Variants in ITGAD observed in about 807,000 individuals in gnomAD.
ITGAD encodes integrin alpha-D.
Under a neutral mutation model 139.0 loss-of-function variants are expected in ITGAD, and 105 were observed. The observed-to-expected ratio is 0.76, with a 90% confidence interval of 0.65 to 0.89. ITGAD has a LOEUF of 0.89. ITGAD is among the 40% of genes least tolerant of loss of function. The pLI is 0.00. For missense variants in ITGAD, 1,384 were observed against 1,487.3 expected, an observed-to-expected ratio of 0.93 and a Z score of 1.14; for synonymous variants, 569 against 598.3, an observed-to-expected ratio of 0.95 and a Z score of 0.71.
intron 23 of ITGAD, 119 bp downstream of exon 23, chr16:31,418,683 C>T (rs1296507092): frequency 3.8e-6 from 3 of 796,938 alleles, no homozygotes; most frequent in African/African-American, 1.7e-5. Flanking sequence ...TTTGGGATGC[C>T]TTTGTGGGTG....
At chr16:31,406,427 T>C (rs1424360813) in intron 7 of ITGAD, among the ~76,000 whole-genome samples, 1 of 152,202 alleles carries the variant, frequency 6.6e-6, no homozygotes, top group Non-Finnish European at 1.5e-5. Flanking sequence ...GTAGTCACCG[T>C]AGGCCATTCA....
In ITGAD at chr16:31,411,403, T is replaced by C. The variant is rs1483992836; in HGVS notation, c.1593T>C (p.Asn531=). Residue 531 remains asparagine, a synonymous_variant, in exon 14 of 30, where the codon AAT becomes AAC. Transcript: ENST00000389202. The part of the protein sequence containing the change: ...GAALTVLGDV[N]EDKLIDVAIG... ...CCCTGACAGTGTTGGGGGATGTGAA[T>C]GAGGACAAGCTGATAGACGTGGCCA... The C allele has an allele frequency of 1.2e-6, 2 of 1,613,862 alleles. No homozygotes were observed. The highest frequency in any genetic ancestry group is 1.3e-5 in the African/African-American group (1 of 74,948).
At chr16:31,394,378 A>C in intron 2 of ITGAD, 37 bp downstream of exon 2, 1 of 1,482,496 alleles carries the variant, frequency 6.7e-7, no homozygotes, top group Non-Finnish European at 9.4e-7. Flanking sequence ...AACCTCCACT[A>C]CATCAAGTCC....
At chr16:31,395,474 G>A (rs1206922878) in intron 2 of ITGAD, among the ~76,000 whole-genome samples, 3 of 152,104 alleles carry the variant, frequency 2.0e-5, no homozygotes, top group Non-Finnish European at 4.4e-5. Context: ...GCTACCTTCC[G>A]CCCCTGGCAT....
rs1384081949 is a variant in ITGAD at position 31,411,362 on chromosome 16, G to A, written c.1552G>A (p.Gly518Ser). Residue 518 changes from glycine to serine, a missense_variant, in exon 14 of 30, where the codon GGC becomes AGC. Coordinates refer to ENST00000389202, the MANE Select transcript of ITGAD (RefSeq NM_005353.3). ...VLRGEQGHPW[G>S]RFGAALTVLG... Reference sequence around the variant, plus strand: ...CCGTGGTGAGCAGGGCCACCCCTGGGGCCGCTTTGGGGCAGCCCTGACAGT... The same window carrying A: ...CCGTGGTGAGCAGGGCCACCCCTGGAGCCGCTTTGGGGCAGCCCTGACAGT... 1 of 1,613,958 alleles carries A rather than the reference G, an allele frequency of 6.2e-7. No individual in the cohort carries two copies. The highest frequency in any genetic ancestry group is 1.1e-5 in the South Asian group (1 of 91,086).
intron 20 of ITGAD, 141 bp downstream of exon 20, chr16:31,416,787 A>G (rs2081899901): frequency 1.3e-6 from 1 of 765,776 alleles, no homozygotes; most frequent in Non-Finnish European, 2.0e-6. Flanking sequence ...ATACACACAG[A>G]GAAAGTGCAT....
Position 31,423,635 on chromosome 16 carries a change from G to T in ITGAD, c.3032G>T (p.Arg1011Ile). 6.2e-7 allele frequency: 1 copy of T among 1,614,006 alleles called. No homozygotes were observed. The highest frequency in any genetic ancestry group is 8.5e-7 in the Non-Finnish European group (1 of 1,179,986). ...QHSDFLTQIS[R>I]SPMLDCSIAD... ...TCTGACTTCCTGACCCAGATTTCAAGAAGTCCCATGCTGGTGAGAAAGTCC... is the reference window on the plus strand; with the variant it reads ...TCTGACTTCCTGACCCAGATTTCAATAAGTCCCATGCTGGTGAGAAAGTCC... Residue 1011 changes from arginine to isoleucine, a missense_variant, in exon 26 of 30, where the codon AGA becomes ATA. Physicochemically the swap from Arg to Ile is moderately conservative, Grantham distance 97. Transcript: ENST00000389202.
At chr16:31,396,391 T>C (rs1440985497) in intron 2 of ITGAD, among the ~76,000 whole-genome samples, 1 of 152,212 alleles carries the variant, frequency 6.6e-6, no homozygotes, top group Non-Finnish European at 1.5e-5. Flanking sequence ...GAGATTTGCT[T>C]GAACCTGGGA....
chr16:31,415,707 G>A (rs1043469197), intron 18 of ITGAD, among the ~76,000 whole-genome samples: 3 of 152,108 alleles, frequency 2.0e-5, no homozygotes, highest in Admixed American at 6.6e-5. Context: ...TTCCCCCGAA[G>A]CTCCAGCCTT....
chr16:31,402,302 G>A (rs1302914576), intron 6 of ITGAD, 57 bp downstream of exon 6: 3 of 1,214,122 alleles, frequency 2.5e-6, no homozygotes, highest in Middle Eastern at 2.9e-4. Flanking sequence ...TGGCCTCGGG[G>A]AGGCATCCCG....
intron 23 of ITGAD, among the ~76,000 whole-genome samples, chr16:31,419,067 C>A (rs1347820518): frequency 6.6e-6 from 1 of 150,610 alleles, no homozygotes; most frequent in Non-Finnish European, 1.5e-5. Flanking sequence ...GTGGCGCATG[C>A]CTGTAATCCC....
intron 23 of ITGAD, among the ~76,000 whole-genome samples, chr16:31,419,812 C>CAAAAAAAAAAAAAAAAAAAA (rs1202333629): frequency 6.9e-5 from 4 of 58,234 alleles, no homozygotes; most frequent in South Asian, 6.4e-4. Flanking sequence ...GGCTCTGTCT[C>CAAAAAAAAAAAAAAAAAAAA]AAAAAAAAAA....
At chr16:31,425,470 T>C (rs556939710) in intron 29 of ITGAD, among the ~76,000 whole-genome samples, 18 of 152,334 alleles carry the variant, frequency 1.2e-4, no homozygotes, top group Middle Eastern at 6.8e-3. Context: ...CCTGGATCTA[T>C]GCTGTCCTGC....
intron 14 of ITGAD, among the ~76,000 whole-genome samples, chr16:31,411,989 C>T (rs1173793411): frequency 6.6e-6 from 1 of 152,156 alleles, no homozygotes; most frequent in African/African-American, 2.4e-5. Flanking sequence ...TCCTCACCAA[C>T]CTGCACCCTC....
In ITGAD at chr16:31,408,408, G is replaced by T; in HGVS notation, c.1010-17G>T. The T allele has an allele frequency of 6.2e-7, 1 of 1,611,976 alleles. No homozygotes were observed. The highest frequency in any genetic ancestry group is 1.1e-5 in the South Asian group (1 of 91,006). ...TCTCATGGCTTCTAGGAACTTCACT[G>T]ACCTGTTTCCCCACAGGAACCCAGT... On this transcript the variant is annotated splice_polypyrimidine_tract_variant and intron_variant, in intron 9 of 29. Transcript: ENST00000389202.
At position 31,397,262 on chromosome 16, in the gene ITGAD, C is replaced by T. The variant is rs1597103774; in HGVS notation, c.138-97C>T. ...ATGCCAGGAATTTCCCCCACAGAGTCTCGCTTCCCCATGGAGGGACACTTC... is the reference window on the plus strand; with the variant it reads ...ATGCCAGGAATTTCCCCCACAGAGTTTCGCTTCCCCATGGAGGGACACTTC... On this transcript the variant is annotated intron_variant, in intron 2 of 29. Transcript: ENST00000389202. 9 of 776,214 alleles carry T rather than the reference C, an allele frequency of 1.2e-5. No individual in the cohort carries two copies. In the East Asian group the frequency reaches 1.9e-4, roughly 16 times the overall value. The allele number at this position is 776,214 out of a possible 1,614,324, so 48.1% of individuals were successfully genotyped here.
Position 31,418,646 on chromosome 16 carries a change from C to T in ITGAD, c.2780+82C>T, listed in dbSNP as rs867577899. The T allele has an allele frequency of 1.1e-4, 114 of 996,688 alleles. No individual in the cohort carries two copies. The Middle Eastern group carries it at 3.4e-3, about 30-fold the overall frequency. 61.7% of individuals were successfully genotyped at this position (996,688 alleles called of 1,614,324 possible). A position where few individuals can be genotyped will look rare whatever the true frequency, so the allele number is the denominator to read the frequency against. ...CCTTCTGAGTCCCAGCCTGCTCTTC[C>T]AATGATGCACATCTAAGCTCTCCTG... On this transcript the variant is annotated intron_variant, in intron 23 of 29. Coordinates refer to ENST00000389202, the MANE Select transcript of ITGAD (RefSeq NM_005353.3).
intron 14 of ITGAD, 104 bp from the exon 15 acceptor site, chr16:31,412,734 T>G: frequency 6.9e-7 from 1 of 1,445,848 alleles, no homozygotes; most frequent in Non-Finnish European, 9.6e-7. Flanking sequence ...AGCTCACCCC[T>G]TCTCTCCCTT....
At chr16:31,416,106 T>A in intron 18 of ITGAD, 107 bp from the exon 19 acceptor site, 1 of 856,424 alleles carries the variant, frequency 1.2e-6, no homozygotes, top group African/African-American at 1.7e-5. Flanking sequence ...AGCAAAGTGC[T>A]GGGGGCAGTG....
Sources: allele counts gnomAD v4.1 joint callset (sites outside exome capture counted in the v4.1 genomes callset), GRCh38; gene constraint gnomAD v4.1.1; transcripts MANE v1.5; gene names NCBI Gene and HGNC (gene_info 2026-07-23, HGNC 2026-07-21).